The following UCHL3 variants were observed in gnomAD, a reference collection of about 807,000 sequenced individuals.
The protein encoded by UCHL3 is ubiquitin carboxyl-terminal hydrolase isozyme L3.
UCHL3 carries 22 observed loss-of-function variants against 35.8 expected under a neutral mutation model. The ratio of observed to expected loss-of-function variants is 0.61; its 90% confidence interval spans 0.44 to 0.88. The LOEUF (loss-of-function observed/expected upper bound fraction) is 0.88. Ranked by LOEUF, UCHL3 falls within the 40% of genes least tolerant of loss-of-function variation. The pLI is 0.00. For missense variants in UCHL3, 229 were observed against 276.9 expected, an observed-to-expected ratio of 0.83 and a Z score of 1.23; for synonymous variants, 90 against 92.8, an observed-to-expected ratio of 0.97 and a Z score of 0.17.
intron 6 of UCHL3, among the ~76,000 whole-genome samples, chr13:75,586,589 A>T (rs1212347671): frequency 6.6e-6 from 1 of 152,020 alleles, no homozygotes; most frequent in Non-Finnish European, 1.5e-5. Flanking sequence ...TCAAGTGCAC[A>T]TGGGTTAGTT....
At chr13:75,575,524 G>C (rs376557274) in intron 6 of UCHL3, among the ~76,000 whole-genome samples, 8 of 152,204 alleles carry the variant, frequency 5.3e-5, no homozygotes, top group African/African-American at 1.7e-4. Context: ...ACAGAAGTTT[G>C]ATATGTGTCA....
chr13:75,604,064 A>G (rs2032859093), intron 7 of UCHL3, among the ~76,000 whole-genome samples: 1 of 152,120 alleles, frequency 6.6e-6, no homozygotes, highest in Non-Finnish European at 1.5e-5. Context: ...ATGGTTAGAA[A>G]CCATGGAATC....
intron 3 of UCHL3, among the ~76,000 whole-genome samples, chr13:75,562,665 A>G (rs916941330): frequency 8.5e-5 from 13 of 152,104 alleles, no homozygotes; most frequent in African/African-American, 2.4e-4. Context: ...AATAAATTAG[A>G]TTTGATCTCT....
At position 75,605,419 on chromosome 13, in the gene UCHL3, A is replaced by G. The variant is rs117226556; in HGVS notation, c.610-310A>G. 3.5e-3 allele frequency among the ~76,000 whole-genome samples: 539 copies of G among 152,102 alleles called. 10 individuals carry two copies. In the East Asian group the frequency reaches 0.05, roughly 14 times the overall value. On this transcript the variant is annotated intron_variant, in intron 8 of 8. Transcript: ENST00000377595. ...GCTACTAGGGAGGCTGAGATAGGAG[A>G]TTTGCTTGAACCCGGAAGGCAGAGG...
intron 6 of UCHL3, among the ~76,000 whole-genome samples, chr13:75,577,316 T>A (rs1176111111): frequency 2.0e-5 from 3 of 152,234 alleles, no homozygotes. Context: ...ACAGACTTTT[T>A]TCTTGTCATT....
intron 6 of UCHL3, among the ~76,000 whole-genome samples, chr13:75,585,470 A>G (rs771069380): frequency 6.6e-6 from 1 of 152,142 alleles, no homozygotes; most frequent in Non-Finnish European, 1.5e-5. Flanking sequence ...ACAGACAAAA[A>G]CTGAGAGAGC....
chr13:75,587,400 C>T (rs2098066578), intron 6 of UCHL3, among the ~76,000 whole-genome samples: 1 of 151,652 alleles, frequency 6.6e-6, no homozygotes, highest in Admixed American at 6.6e-5. Flanking sequence ...AGATAACTGG[C>T]AAAATTAAAA....
In UCHL3 at chr13:75,605,858, A is replaced by G; in HGVS notation, c.*46A>G. ...CAAAAACTGTATTATTTGCAACTAA[A>G]TTTTCTCTGCCATACACTAACTCAA... is the stretch of plus-strand genomic sequence containing the variant. On this transcript the variant is annotated 3_prime_UTR_variant, in exon 9 of 9. Transcript: ENST00000377595. 2 of 1,588,666 alleles carry G rather than the reference A, an allele frequency of 1.3e-6. No homozygotes were observed. Among genetic ancestry groups the G allele is most frequent in the Non-Finnish European group, 1.7e-6 (2 of 1,161,186 alleles).
intron 2 of UCHL3, among the ~76,000 whole-genome samples, chr13:75,560,089 A>G (rs891622565): frequency 2.0e-5 from 3 of 152,194 alleles, no homozygotes; most frequent in East Asian, 1.9e-4. Context: ...TTTACTTCCT[A>G]TATCCAGCAT....
chr13:75,572,399 T>C (rs942929047), intron 6 of UCHL3, among the ~76,000 whole-genome samples: 1 of 152,248 alleles, frequency 6.6e-6, no homozygotes, highest in Non-Finnish European at 1.5e-5. Context: ...AATTAGGATG[T>C]ATCTTACAGT....
At chr13:75,567,499 TC>T (rs1375727869) in intron 5 of UCHL3, among the ~76,000 whole-genome samples, 187 bp downstream of exon 5, 4 of 152,220 alleles carry the variant, frequency 2.6e-5, no homozygotes, top group African/African-American at 4.8e-5. Context: ...AGTTGCCATT[TC>T]TTTTCTATGT....
At chr13:75,576,226 T>A (rs1023988466) in intron 6 of UCHL3, among the ~76,000 whole-genome samples, 2 of 151,780 alleles carry the variant, frequency 1.3e-5, no homozygotes, top group Non-Finnish European at 2.9e-5. Flanking sequence ...TCTTTTTTCT[T>A]TTTCATTATT....
chr13:75,556,828 A>T (rs1458366465), intron 2 of UCHL3, among the ~76,000 whole-genome samples: 2 of 152,222 alleles, frequency 1.3e-5, no homozygotes, highest in Non-Finnish European at 2.9e-5. Context: ...GGAAAAGTAA[A>T]TAGGTGCCAT....
At chr13:75,590,227 G>T in intron 6 of UCHL3, 1 of 1,191,706 alleles carries the variant, frequency 8.4e-7, no homozygotes. Context: ...TTTTCTCTTG[G>T]TTCACTCAAC....
At chr13:75,602,167 T>A (rs1833188085) in intron 7 of UCHL3, among the ~76,000 whole-genome samples, 1 of 152,160 alleles carries the variant, frequency 6.6e-6, no homozygotes, top group South Asian at 2.1e-4. Context: ...TTTTTATTTC[T>A]GTATAGTCTC....
Position 75,594,827 on chromosome 13 carries a change from T to C in UCHL3, c.475-88T>C, listed in dbSNP as rs2032601853. The C allele has an allele frequency of 3.3e-6, 3 of 913,348 alleles. No individual in the cohort carries two copies. In the South Asian group the frequency reaches 4.6e-5, roughly 14 times the overall value. The allele number at this position is 913,348 out of a possible 1,614,324, so 56.6% of individuals were successfully genotyped here. ...TTGGATAAATGTTCTCTTATATAATTTGATGTTATTTGTATGTGTTTATGT... is the reference window on the plus strand; with the variant it reads ...TTGGATAAATGTTCTCTTATATAATCTGATGTTATTTGTATGTGTTTATGT... On this transcript the variant is annotated intron_variant, in intron 6 of 8. Transcript: ENST00000377595.
intron 6 of UCHL3, among the ~76,000 whole-genome samples, chr13:75,589,128 C>A (rs2032405581): frequency 6.6e-6 from 1 of 152,128 alleles, no homozygotes; most frequent in Admixed American, 6.6e-5. Flanking sequence ...TGATTAAGAT[C>A]ATTGGACTCT....
intron 6 of UCHL3, among the ~76,000 whole-genome samples, chr13:75,573,748 A>G (rs2031935858): frequency 6.6e-6 from 1 of 152,172 alleles, no homozygotes; most frequent in East Asian, 1.9e-4. Context: ...TTCAATGCCA[A>G]GTTTTCAAAT....
chr13:75,575,660 G>A (rs2031998210), intron 6 of UCHL3, among the ~76,000 whole-genome samples: 1 of 150,916 alleles, frequency 6.6e-6, no homozygotes, highest in Non-Finnish European at 1.5e-5. Context: ...TAAGTGTAGA[G>A]CTGGAATTTG....
Sources: gnomAD v4.1 joint callset for allele counts (sites outside exome capture counted in the v4.1 genomes callset) on GRCh38, gnomAD v4.1.1 for gene constraint, MANE v1.5 for transcripts, NCBI Gene and HGNC (gene_info 2026-07-23, HGNC 2026-07-21) for gene names.